C5orf24: variants seen among roughly 807,000 people sequenced by gnomAD.
The protein encoded by C5orf24 is UPF0461 protein C5orf24.
In C5orf24, 4 loss-of-function variants were observed where a neutral mutation model predicts 9.8. The ratio of observed to expected loss-of-function variants is 0.41; its 90% CI spans 0.20 to 0.93. C5orf24 has a LOEUF of 0.93. Ranked by LOEUF, C5orf24 falls within the 40% of genes least tolerant of loss-of-function variation. C5orf24 has a pLI of 0.33. For synonymous variants in C5orf24, 73 were observed against 81.3 expected (o/e 0.90, Z 0.55); for missense variants, 170 against 236.9 (o/e 0.72, Z 1.85).
intron 1 of C5orf24, among the ~76,000 whole-genome samples, chr5:134,853,055 C>T (rs901338729): frequency 3.3e-5 from 5 of 151,962 alleles, no homozygotes; most frequent in African/African-American, 1.2e-4. Flanking sequence ...GTCCCAGCTA[C>T]TTGGGAGGCT....
intron 1 of C5orf24, among the ~76,000 whole-genome samples, chr5:134,852,163 A>G (rs925458468): frequency 5.3e-5 from 8 of 152,192 alleles, no homozygotes; most frequent in African/African-American, 1.7e-4. Flanking sequence ...GATGGTCTCA[A>G]TCTCCTGACT....
intron 1 of C5orf24, 42 bp from the exon 2 acceptor site, chr5:134,854,856 G>T (rs535222299): frequency 1.3e-6 from 2 of 1,568,466 alleles, no homozygotes; most frequent in Non-Finnish European, 1.7e-6. Context: ...GTATGTATTT[G>T]TGTGTGTGTA....
rs1466927894 is a variant in C5orf24, at chr5:134,855,885, A to G, written c.*418A>G. 9.8e-7 allele frequency: 1 copy of G among 1,017,604 alleles called. No homozygotes were observed. Among genetic ancestry groups the G allele is most frequent in the Non-Finnish European group, 1.2e-6 (1 of 842,556 alleles). The allele number at this position is 1,017,604 out of a possible 1,614,324, so 63.0% of individuals were successfully genotyped here. A position where few individuals can be genotyped will look rare whatever the true frequency, so the allele number is the denominator to read the frequency against. ...AACTGATGGAGCAAAAAAGCAAACT[A>G]ATGAATCAGGATTACTTGAGGTAAT... On this transcript the variant is annotated 3_prime_UTR_variant, in exon 2 of 2. Transcript: ENST00000394976.
rs764272868 is a variant in C5orf24 at position 134,855,367 on chromosome 5, A to G, written c.467A>G (p.Tyr156Cys). 3 of 1,614,162 alleles carry G rather than the reference A, an allele frequency of 1.9e-6. No individual in the cohort carries two copies. The highest frequency in any genetic ancestry group is 3.3e-5 in the Admixed American group (2 of 60,012). Residue 156 changes from tyrosine to cysteine, a missense_variant, in exon 2 of 2, where the codon TAT becomes TGT. By Grantham distance (194) the Tyr-to-Cys change is radical (BLOSUM62 -2). Transcript: ENST00000394976. ...KALSRLADLG[Y>C]GCGTAAFPYP... ...CTATCCCGTCTTGCCGATCTTGGTT[A>G]TGGCTGTGGCACTGCTGCTTTTCCT...
At chr5:134,847,896 C>G (rs1313290505) in intron 1 of C5orf24, among the ~76,000 whole-genome samples, 4 of 152,090 alleles carry the variant, frequency 2.6e-5, no homozygotes, top group Non-Finnish European at 5.9e-5. Flanking sequence ...GAGGGTTTCG[C>G]TGTGTTATCC....
At chr5:134,836,937 A>C in the C5orf24 span, among the ~76,000 whole-genome samples, 1 of 152,130 alleles carries the variant, frequency 6.6e-6, no homozygotes, top group African/African-American at 2.4e-5. Context: ...TTGGGAGGGT[A>C]CTTGAACAAC....
At position 134,857,352 on chromosome 5, in the gene C5orf24, A is replaced by G. The variant is rs1231396598; in HGVS notation, c.*1885A>G. On this transcript the variant is annotated 3_prime_UTR_variant, in exon 2 of 2. Transcript: ENST00000394976. ...GGATGTCATGTTTCATACCTTTTTTATCAGGAAAAAAGCAGCAAGCCTTCA... is the reference window on the plus strand; with the variant it reads ...GGATGTCATGTTTCATACCTTTTTTGTCAGGAAAAAAGCAGCAAGCCTTCA... 20 of 1,546,772 alleles carry G rather than the reference A, an allele frequency of 1.3e-5. No homozygotes were observed. The highest frequency in any genetic ancestry group is 1.7e-5 in the Non-Finnish European group (19 of 1,144,482).
intron 1 of C5orf24, chr5:134,846,945 C>CT (rs951950573): frequency 6.0e-4 from 91 of 152,296 alleles, no homozygotes; most frequent in African/African-American, 2.1e-3. Flanking sequence ...AAATAAATCT[C>CT]TGAGAATTAC....
chr5:134,849,647 CTTTTTTTTTT>C (rs35375521), intron 1 of C5orf24, among the ~76,000 whole-genome samples: 23 of 76,976 alleles, frequency 3.0e-4, no homozygotes, highest in Admixed American at 8.6e-4. Context: ...AAGTCAGTGT[CTTTTTTTTTT>C]TTTTTTTTTT....
At chr5:134,842,444 T>G (rs1048134833), upstream of C5orf24, among the ~76,000 whole-genome samples, 6 of 150,772 alleles carry the variant, frequency 4.0e-5, no homozygotes, top group African/African-American at 1.2e-4. Flanking sequence ...GAGCCAAGAT[T>G]GGGCCATAAT....
chr5:134,853,468 A>C (rs1001989695), intron 1 of C5orf24, among the ~76,000 whole-genome samples: 3 of 150,976 alleles, frequency 2.0e-5, no homozygotes, highest in Admixed American at 2.0e-4. Flanking sequence ...TATAAAAAAA[A>C]AAAATCACAG....
intron 1 of C5orf24, among the ~76,000 whole-genome samples, chr5:134,851,784 C>T (rs978599715): frequency 6.6e-6 from 1 of 152,122 alleles, no homozygotes; most frequent in Non-Finnish European, 1.5e-5. Context: ...AGGATTAAAT[C>T]AGATAATGTG....
chr5:134,853,577 A>ATGC (rs1446839487), intron 1 of C5orf24, among the ~76,000 whole-genome samples: 3 of 109,884 alleles, frequency 2.7e-5, no homozygotes, highest in African/African-American at 3.6e-5. Context: ...GAATCTTGCT[A>ATGC]TGCTGCCCAG....
Position 134,848,471 on chromosome 5 carries a change from A to G in C5orf24, c.-4+2259A>G, listed in dbSNP as rs1410533365. On this transcript the variant is annotated intron_variant, in intron 1 of 1. Transcript: ENST00000394976. ...CGGGAGTTTGAGACCAGCCTGGCCA[A>G]CATGGTGAAACCTCGTTTCTACTAA... 4.6e-5 allele frequency among the ~76,000 whole-genome samples: 7 copies of G among 151,218 alleles called. No homozygotes were observed. The East Asian group carries it at 1.2e-3, about 25-fold the overall frequency.
chr5:134,844,112 G>A (rs1337195062), upstream of C5orf24, among the ~76,000 whole-genome samples: 3 of 152,010 alleles, frequency 2.0e-5, no homozygotes, highest in Non-Finnish European at 4.4e-5. Flanking sequence ...ATGTTTTTAT[G>A]TACAAATGCC....
intron 1 of C5orf24, among the ~76,000 whole-genome samples, chr5:134,853,022 G>A (rs560836952): frequency 6.2e-4 from 95 of 152,106 alleles, no homozygotes; most frequent in African/African-American, 2.0e-3. Flanking sequence ...AATATTCGCC[G>A]GGCGTGGTGG....
the C5orf24 span, among the ~76,000 whole-genome samples, chr5:134,834,173 T>C: frequency 6.6e-6 from 1 of 152,220 alleles, no homozygotes; most frequent in Non-Finnish European, 1.5e-5. Flanking sequence ...TTCACAACTT[T>C]GCATACTGTG....
chr5:134,845,828 A>G (rs567182013), upstream of C5orf24: 7 of 152,392 alleles, frequency 4.6e-5, no homozygotes, highest in South Asian at 6.2e-4. Context: ...CTCAGGCTTA[A>G]GGCCACGACG....
chr5:134,850,613 C>T (rs1756131279), intron 1 of C5orf24, among the ~76,000 whole-genome samples: 1 of 151,788 alleles, frequency 6.6e-6, no homozygotes, highest in Non-Finnish European at 1.5e-5. Context: ...GCTGGGATTA[C>T]AGGCGTGCAC....
Sources: allele counts gnomAD v4.1 joint callset (sites outside exome capture counted in the v4.1 genomes callset), GRCh38; gene constraint gnomAD v4.1.1; transcripts MANE v1.5; gene names NCBI Gene and HGNC (gene_info 2026-07-23, HGNC 2026-07-21).